Variants in TMPRSS7 observed in about 807,000 individuals in gnomAD.
The protein encoded by TMPRSS7 is transmembrane serine protease 7.
In TMPRSS7, 81 loss-of-function variants were observed where a neutral mutation model predicts 95.6. The ratio of observed to expected loss-of-function variants is 0.85; its 90% CI spans 0.71 to 1.02. TMPRSS7 has a LOEUF of 1.02. TMPRSS7 is among the 50% of genes least tolerant of loss of function. TMPRSS7 has a pLI of 0.00. For synonymous variants in TMPRSS7, 364 were observed against 337.8 expected (o/e 1.08, Z -0.85); for missense variants, 945 against 955.2 (o/e 0.99, Z 0.14).
At chr3:112,059,230 G>A (rs1403604803) in intron 10 of TMPRSS7, among the ~76,000 whole-genome samples, 2 of 152,214 alleles carry the variant, frequency 1.3e-5, no homozygotes, top group Non-Finnish European at 2.9e-5. Context: ...CATCAGGCCA[G>A]TTGGCATCCA....
At chr3:112,037,014 T>C (rs2073153866) in intron 1 of TMPRSS7, among the ~76,000 whole-genome samples, 1 of 152,222 alleles carries the variant, frequency 6.6e-6, no homozygotes, top group Non-Finnish European at 1.5e-5. Context: ...TGAGGATGTA[T>C]GTAGCCTCAG....
At chr3:112,072,992 CCA>C (rs2073668802) in intron 13 of TMPRSS7, among the ~76,000 whole-genome samples, 4 of 152,134 alleles carry the variant, frequency 2.6e-5, no homozygotes, top group African/African-American at 9.7e-5. Flanking sequence ...AATCACCATA[CCA>C]TCTTGCACAA....
exon 15 of TMPRSS7, chr3:112,075,366 C>A: frequency 6.7e-7 from 1 of 1,496,830 alleles, no homozygotes; most frequent in Non-Finnish European, 8.9e-7. Flanking sequence ...ATCGGAGGCA[C>A]AGACACCCTG....
chr3:112,068,930 G>T (rs1218682585), intron 13 of TMPRSS7, among the ~76,000 whole-genome samples: 1 of 152,102 alleles, frequency 6.6e-6, no homozygotes, highest in African/African-American at 2.4e-5. Flanking sequence ...TCCAATTTTT[G>T]CCCATTCAGT....
chr3:112,061,836 C>T, exon 11 of TMPRSS7: 1 of 1,612,820 alleles, frequency 6.2e-7, no homozygotes, highest in Non-Finnish European at 8.5e-7. Flanking sequence ...AGTGCCCAGC[C>T]CTCTGGTTCA....
intron 13 of TMPRSS7, 146 bp from the exon 14 acceptor site, chr3:112,074,150 T>C (rs1184305539): frequency 8.5e-6 from 5 of 585,490 alleles, no homozygotes; most frequent in Non-Finnish European, 1.5e-5. Context: ...TTGCTTCTCT[T>C]CTCTCTGCCA....
intron 13 of TMPRSS7, among the ~76,000 whole-genome samples, chr3:112,071,274 C>T (rs2073642569): frequency 6.6e-6 from 1 of 152,116 alleles, no homozygotes; most frequent in Non-Finnish European, 1.5e-5. Flanking sequence ...AATATTGGCC[C>T]CCATTCTTTT....
chr3:112,044,454 C>T (rs1390315247), intron 4 of TMPRSS7, 132 bp downstream of exon 4: 3 of 744,216 alleles, frequency 4.0e-6, no homozygotes, highest in East Asian at 5.5e-5. Context: ...ACTGTATTAG[C>T]ACAACTAGCG....
intron 13 of TMPRSS7, among the ~76,000 whole-genome samples, chr3:112,068,077 A>G (rs2073598004): frequency 6.6e-6 from 1 of 152,222 alleles, no homozygotes. Flanking sequence ...TTTATTAAAT[A>G]GGGAATCCTT....
intron 12 of TMPRSS7, among the ~76,000 whole-genome samples, chr3:112,064,351 C>CTTTTCTTTT (rs56791526): frequency 4.0e-5 from 6 of 149,122 alleles, no homozygotes; most frequent in African/African-American, 1.0e-4. Flanking sequence ...TGTGTGTTTT[C>CTTTTCTTTT]TTTTCTTTTT....
At chr3:112,056,304 TAGAA>T (rs1382975481) in intron 9 of TMPRSS7, among the ~76,000 whole-genome samples, 8 of 152,180 alleles carry the variant, frequency 5.3e-5, no homozygotes, top group Admixed American at 6.5e-5. Flanking sequence ...AACTAAGAAT[TAGAA>T]AGCTTAAAAA....
exon 4 of TMPRSS7, chr3:112,044,257 A>T: frequency 6.5e-7 from 1 of 1,549,076 alleles, no homozygotes; most frequent in Non-Finnish European, 8.7e-7. Context: ...TTTTTCAGAT[A>T]AACCTGGTTT....
At chr3:112,047,843 G>A in exon 7 of TMPRSS7, 1 of 1,614,176 alleles carries the variant, frequency 6.2e-7, no homozygotes. Flanking sequence ...CAAGCTGGTG[G>A]CCATAGTGGG....
At chr3:112,057,118 A>G (rs368137962) in exon 10 of TMPRSS7, 1 of 1,609,044 alleles carries the variant, frequency 6.2e-7, no homozygotes, top group Middle Eastern at 1.7e-4. Flanking sequence ...ATGGTGGGAA[A>G]TTAATGAGCA....
intron 16 of TMPRSS7, among the ~76,000 whole-genome samples, chr3:112,077,417 A>C (rs1373721759): frequency 6.6e-6 from 1 of 152,030 alleles, no homozygotes. Flanking sequence ...CCCTTTTCAA[A>C]CTCTGAAGGT....
chr3:112,050,533 A>AAAAAAAC (rs1559955310), intron 8 of TMPRSS7, 138 bp from the exon 9 acceptor site: 3 of 370,250 alleles, frequency 8.1e-6, no homozygotes, highest in Non-Finnish European at 5.0e-6. Flanking sequence ...AAAAAAAAAA[A>AAAAAAAC]AAAAACCCAA....
intron 3 of TMPRSS7, among the ~76,000 whole-genome samples, chr3:112,042,497 T>A (rs1166539557): frequency 6.6e-6 from 1 of 152,228 alleles, no homozygotes; most frequent in Non-Finnish European, 1.5e-5. Context: ...AAAATTCAGA[T>A]GATTATGTTT....
At chr3:112,055,254 A>G (rs1013196061) in intron 9 of TMPRSS7, among the ~76,000 whole-genome samples, 10 of 152,046 alleles carry the variant, frequency 6.6e-5, no homozygotes, top group African/African-American at 2.4e-4. Flanking sequence ...TGCATTTTTT[A>G]ACCTTGGAAA....
intron 17 of TMPRSS7, among the ~76,000 whole-genome samples, chr3:112,080,578 C>CACG (rs574287382): frequency 6.6e-6 from 1 of 151,714 alleles, no homozygotes; most frequent in Non-Finnish European, 1.5e-5. Flanking sequence ...CTATTACCAC[C>CACG]ACCACCACCA....
Sources: allele counts gnomAD v4.1 joint callset (sites outside exome capture counted in the v4.1 genomes callset), GRCh38; gene constraint gnomAD v4.1.1; transcripts MANE v1.5; gene names NCBI Gene and HGNC (gene_info 2026-07-23, HGNC 2026-07-21).